Variants in TMEM260 observed in about 807,000 individuals in gnomAD.
TMEM260 encodes the protein transmembrane protein 260, also known as protein O-mannosyl-transferase TMEM260.
Under a neutral mutation model 88.9 loss-of-function variants are expected in TMEM260, and 82 were observed. That is an observed-to-expected ratio of 0.92 (90% CI 0.77 to 1.11). The LOEUF is 1.11. Ranked by LOEUF, TMEM260 falls within the 50% of genes least tolerant of loss-of-function variation. The pLI is 0.00. For missense variants in TMEM260, 902 were observed against 853.4 expected (o/e 1.06, Z -0.71); for synonymous variants, 314 against 309.3 (o/e 1.02, Z -0.16).
intron 12 of TMEM260, among the ~76,000 whole-genome samples, chr14:56,626,691 A>G (rs1888262806): frequency 2.0e-5 from 3 of 152,184 alleles, no homozygotes; most frequent in Admixed American, 2.0e-4. Context: ...TAAGGAAGCC[A>G]TTAATTCTGT....
At chr14:56,658,038 A>C in the TMEM260 span, among the ~76,000 whole-genome samples, 2 of 152,172 alleles carry the variant, frequency 1.3e-5, no homozygotes, top group African/African-American at 2.4e-5. Context: ...AGGTAATAAA[A>C]GTGTGTCACC....
At chr14:56,587,385 A>G (rs1384640307) in intron 3 of TMEM260, among the ~76,000 whole-genome samples, 1 of 151,896 alleles carries the variant, frequency 6.6e-6, no homozygotes, top group Non-Finnish European at 1.5e-5. Context: ...TGTTGATACC[A>G]TTCCATATGA....
rs200606249 is a variant in TMEM260 at position 56,615,932 on chromosome 14, T to G, written c.858-12T>G. On this transcript the variant is annotated splice_polypyrimidine_tract_variant and intron_variant, in intron 7 of 15. Transcript: ENST00000261556. The stretch of plus-strand genomic sequence containing the variant: ...GTTTCCTGCCAACAATAAGTTAGAT[T>G]GTTTTTTGCAGTTCTCAAGTAACAA... 6 of 1,599,080 alleles carry G rather than the reference T, an allele frequency of 3.8e-6. No homozygotes were observed. The highest frequency in any genetic ancestry group is 5.1e-6 in the Non-Finnish European group (6 of 1,167,108).
chr14:56,651,650 C>T (rs546992878), downstream of TMEM260, among the ~76,000 whole-genome samples: 2 of 152,202 alleles, frequency 1.3e-5, no homozygotes, highest in East Asian at 1.9e-4. Context: ...GGGCTATACT[C>T]CTATCCCAGT....
At chr14:56,614,222 A>G (rs1007458753) in intron 7 of TMEM260, among the ~76,000 whole-genome samples, 8 of 147,562 alleles carry the variant, frequency 5.4e-5, no homozygotes, top group Admixed American at 1.3e-4. Context: ...AAAACATTAA[A>G]AAAAAAAAAA....
intron 8 of TMEM260, 42 bp downstream of exon 8, chr14:56,616,069 A>G (rs368871273): frequency 2.8e-6 from 4 of 1,405,930 alleles, no homozygotes; most frequent in South Asian, 2.3e-5. Context: ...TTCTATGTTC[A>G]TGAATTGAAT....
downstream of TMEM260, among the ~76,000 whole-genome samples, chr14:56,653,745 A>AAAAAAAAAAAAAAAAAAAC (rs1555343563): frequency 7.3e-6 from 1 of 137,368 alleles, no homozygotes; most frequent in Non-Finnish European, 1.6e-5. Flanking sequence ...CCAAAACAAA[A>AAAAAAAAAAAAAAAAAAAC]AAAAAAAAAA....
rs750190332 is a variant in TMEM260, at chr14:56,615,949, A to G, written c.863A>G (p.Gln288Arg). The part of the protein sequence containing the change: ...GSSMSEILLS[Q>R]VTNMRTELSF... ...AGTTAGATTGTTTTTTGCAGTTCTC[A>G]AGTAACAAATATGAGGACCGAACTC... The change falls in exon 8 of 16, where the codon CAA becomes CGA. Residue 288 changes from glutamine (Q) to arginine (R), a missense_variant. Gln to Arg is a conservative substitution (Grantham distance 43). Transcript: ENST00000261556. 7 of 1,611,936 alleles carry G rather than the reference A, an allele frequency of 4.3e-6. No individual in the cohort carries two copies. Among genetic ancestry groups the G allele is most frequent in the African/African-American group, 1.3e-5 (1 of 74,978 alleles).
In TMEM260 at chr14:56,647,538, A is replaced by G; in HGVS notation, c.*41A>G. 1 of 1,543,364 alleles carries G rather than the reference A, an allele frequency of 6.5e-7. No individual in the cohort carries two copies. The highest frequency in any genetic ancestry group is 8.7e-7 in the Non-Finnish European group (1 of 1,153,892). On this transcript the variant is annotated 3_prime_UTR_variant, in exon 16 of 16. Transcript: ENST00000261556. Reference sequence around the variant, plus strand: ...AAAACCTGCTCATCGTTCAGCTTCCAAAATTCTGAAGTCTGGAAGTTTTTC... The same window carrying G: ...AAAACCTGCTCATCGTTCAGCTTCCGAAATTCTGAAGTCTGGAAGTTTTTC...
chr14:56,611,668 C>T (rs1179203562), intron 6 of TMEM260, among the ~76,000 whole-genome samples: 1 of 152,208 alleles, frequency 6.6e-6, no homozygotes, highest in African/African-American at 2.4e-5. Context: ...TACCATTCAA[C>T]CCAGCAATCC....
chr14:56,594,020 T>C (rs966420251), intron 3 of TMEM260, among the ~76,000 whole-genome samples: 4 of 152,180 alleles, frequency 2.6e-5, no homozygotes, highest in African/African-American at 7.2e-5. Context: ...GGCTGTGTTA[T>C]TAAAATTATC....
At chr14:56,591,922 T>G (rs1290737839) in intron 3 of TMEM260, among the ~76,000 whole-genome samples, 2 of 152,216 alleles carry the variant, frequency 1.3e-5, no homozygotes, top group Non-Finnish European at 2.9e-5. Context: ...TTAATTCTAA[T>G]GGAAATTTTG....
Position 56,581,817 on chromosome 14 carries a change from T to G in TMEM260, c.160+1743T>G, listed in dbSNP as rs77358454. The stretch of plus-strand genomic sequence containing the variant: ...ATATTGACTTCAGAATATGCCCCCT[T>G]AACCTCTACTTTTCGTCAAAACATT... On this transcript the variant is annotated intron_variant, in intron 1 of 15. Coordinates refer to ENST00000261556, the MANE Select transcript of TMEM260 (RefSeq NM_017799.4). Among the ~76,000 whole-genome samples the G allele has an allele frequency of 9.7e-3, 1,475 of 152,328 alleles. 49 individuals are homozygous for G. In the East Asian group the frequency reaches 0.1, roughly 10 times the overall value.
chr14:56,608,750 C>T (rs1887066834), intron 5 of TMEM260, among the ~76,000 whole-genome samples: 1 of 152,176 alleles, frequency 6.6e-6, no homozygotes, highest in African/African-American at 2.4e-5. Context: ...TATTCAAAAT[C>T]AGCCAAACAA....
rs140701057 is a variant in TMEM260, at chr14:56,620,588, G to A, written c.1227-943G>A. Among the ~76,000 whole-genome samples the A allele has an allele frequency of 2.3e-3, 348 of 152,256 alleles. 7 individuals are homozygous for A. Among genetic ancestry groups the A allele is most frequent in the South Asian group, 0.02 (94 of 4,818 alleles). ...TTGTCCCAGGGGAATGGAATACATA[G>A]CACTTTTGCTAGGTGGCAAAATGTG... On this transcript the variant is annotated intron_variant, in intron 10 of 15. Coordinates refer to ENST00000261556, the MANE Select transcript of TMEM260 (RefSeq NM_017799.4).
chr14:56,648,559 A>G lies in TMEM260; in HGVS notation c.*1062A>G, dbSNP rs1007539963. Reference sequence around the variant, plus strand: ...TGCTCACTAATGAAGAGGGAGGGCTAGAAGCTTGTCTGCATTCAAAGATCA... The same window carrying G: ...TGCTCACTAATGAAGAGGGAGGGCTGGAAGCTTGTCTGCATTCAAAGATCA... On this transcript the variant is annotated 3_prime_UTR_variant, in exon 16 of 16. Coordinates refer to ENST00000261556, the MANE Select transcript of TMEM260 (RefSeq NM_017799.4). The G allele has an allele frequency of 1.3e-5, 2 of 152,592 alleles. No homozygotes were observed. The highest frequency in any genetic ancestry group is 2.9e-5 in the Non-Finnish European group (2 of 68,038). 9.5% of individuals were successfully genotyped at this position (152,592 alleles called of 1,614,324 possible). A position where few individuals can be genotyped will look rare whatever the true frequency, so the allele number is the denominator to read the frequency against.
intron 12 of TMEM260, among the ~76,000 whole-genome samples, chr14:56,628,988 C>T (rs1888410074): frequency 6.6e-6 from 1 of 151,804 alleles, no homozygotes; most frequent in South Asian, 2.1e-4. Context: ...CTCCACCTCC[C>T]AGGTTATAGC....
At chr14:56,608,011 A>C (rs1887020521) in intron 5 of TMEM260, among the ~76,000 whole-genome samples, 1 of 152,232 alleles carries the variant, frequency 6.6e-6, no homozygotes, top group Non-Finnish European at 1.5e-5. Flanking sequence ...TTTTTTAAAA[A>C]CTAATTTTAA....
At chr14:56,644,073 C>G (rs1421546771) in intron 15 of TMEM260, among the ~76,000 whole-genome samples, 1 of 152,134 alleles carries the variant, frequency 6.6e-6, no homozygotes. Flanking sequence ...TGAAAATGGC[C>G]ATACTGCCCA....
Sources: gnomAD v4.1 joint callset for allele counts (sites outside exome capture counted in the v4.1 genomes callset) on GRCh38, gnomAD v4.1.1 for gene constraint, MANE v1.5 for transcripts, NCBI Gene and HGNC (gene_info 2026-07-23, HGNC 2026-07-21) for gene names.